The following KLHL29 variants were observed in gnomAD, a reference collection of about 807,000 sequenced individuals.
KLHL29 encodes kelch like family member 29.
In KLHL29, 21 loss-of-function variants were observed where a neutral mutation model predicts 80.4. The ratio of observed to expected loss-of-function variants is 0.26; its 90% CI spans 0.19 to 0.38. KLHL29 has a LOEUF of 0.38. Ranked by LOEUF, KLHL29 falls within the 10% of genes least tolerant of loss-of-function variation. KLHL29 has a pLI of 1.00. For missense variants in KLHL29, 867 were observed against 1,223.9 expected (o/e 0.71, Z 4.35); for synonymous variants, 511 against 526.8 (o/e 0.97, Z 0.41).
At chr2:23,674,176 C>T (rs951930028) in intron 5 of KLHL29, among the ~76,000 whole-genome samples, 3 of 152,192 alleles carry the variant, frequency 2.0e-5, no homozygotes, top group Non-Finnish European at 4.4e-5. Flanking sequence ...GAGTGTGTCT[C>T]CCTTTAAACT....
chr2:23,439,648 T>C (rs1037441886), intron 1 of KLHL29, among the ~76,000 whole-genome samples: 1 of 152,212 alleles, frequency 6.6e-6, no homozygotes, highest in African/African-American at 2.4e-5. Flanking sequence ...TCCTGAGTTC[T>C]AGTTTGATTG....
intron 5 of KLHL29, among the ~76,000 whole-genome samples, chr2:23,676,244 G>A (rs1035614342): frequency 4.6e-5 from 7 of 151,998 alleles, no homozygotes; most frequent in Non-Finnish European, 1.0e-4. Context: ...GTGCAGTGGC[G>A]CGATCTCAGC....
At chr2:23,655,268 C>T (rs1179306667) in intron 5 of KLHL29, among the ~76,000 whole-genome samples, 2 of 152,212 alleles carry the variant, frequency 1.3e-5, no homozygotes, top group South Asian at 2.1e-4. Flanking sequence ...ATCAGAGCAT[C>T]GCCAATGCAA....
chr2:23,550,001 G>T (rs1667080619), intron 2 of KLHL29, among the ~76,000 whole-genome samples: 2 of 152,124 alleles, frequency 1.3e-5, no homozygotes, highest in Non-Finnish European at 2.9e-5. Flanking sequence ...TGGGGTTCTG[G>T]GTCTACCCTG....
At chr2:23,471,943 A>T (rs1056704036) in intron 1 of KLHL29, among the ~76,000 whole-genome samples, 2 of 152,202 alleles carry the variant, frequency 1.3e-5, no homozygotes, top group African/African-American at 2.4e-5. Flanking sequence ...TTTTTAAATC[A>T]CTTTTAAATA....
Position 23,642,705 on chromosome 2 carries a change from G to A in KLHL29, c.795G>A (p.Pro265=), listed in dbSNP as rs530257872. ...GHMAGPLLPP[P]PPAQPSATLP... is the part of the protein sequence containing the mutation. ...TGGCAGGGCCCCTGCTGCCTCCACC[G>A]CCGCCAGCCCAGCCGTCCGCCACTC... Residue 265 remains proline, a synonymous_variant, in exon 5 of 14, where the codon CCG becomes CCA. Coordinates refer to ENST00000486442, the MANE Select transcript of KLHL29 (RefSeq NM_052920.2). 232 of 1,548,158 alleles carry A rather than the reference G, an allele frequency of 1.5e-4. No homozygotes were observed. Among genetic ancestry groups the A allele is most frequent in the African/African-American group, 2.7e-4 (20 of 73,090 alleles).
chr2:23,589,229 T>C (rs1668194887), intron 3 of KLHL29, among the ~76,000 whole-genome samples: 1 of 152,274 alleles, frequency 6.6e-6, no homozygotes. Context: ...GAGAAAGGCC[T>C]GGCCTGCCTA....
At chr2:23,573,530 G>A (rs377251850) in intron 3 of KLHL29, among the ~76,000 whole-genome samples, 12 of 152,200 alleles carry the variant, frequency 7.9e-5, no homozygotes, top group Non-Finnish European at 1.0e-4. Context: ...AGCTGGCTGC[G>A]TACAGGTTCG....
chr2:23,639,165 T>G lies in KLHL29; in HGVS notation c.312T>G (p.Ser104Arg). ...CTCCCGGCATCTCCAAAGGGGACAGTCAGTCCCAGGGACTGGCGACCAGCA... is the reference window on the plus strand; with the variant it reads ...CTCCCGGCATCTCCAAAGGGGACAGGCAGTCCCAGGGACTGGCGACCAGCA... ...TKAPGISKGD[S>R]QSQGLATSIR... Residue 104 changes from serine to arginine, a missense_variant, in exon 4 of 14, where the codon AGT becomes AGG. Ser to Arg is a moderately radical substitution (Grantham distance 110). Coordinates refer to ENST00000486442, the MANE Select transcript of KLHL29 (RefSeq NM_052920.2). 1 of 1,540,876 alleles carries G rather than the reference T, an allele frequency of 6.5e-7. No homozygotes were observed. Among genetic ancestry groups the G allele is most frequent in the Non-Finnish European group, 8.7e-7 (1 of 1,142,926 alleles).
intron 1 of KLHL29, among the ~76,000 whole-genome samples, chr2:23,400,753 T>A (rs1666580900): frequency 6.6e-6 from 1 of 152,124 alleles, no homozygotes; most frequent in Non-Finnish European, 1.5e-5. Context: ...GGCAGAAGGA[T>A]TAACCTCCTG....
In KLHL29 at chr2:23,691,935, C is replaced by A. The variant is rs1047573781; in HGVS notation, c.1282+59C>A. 3.4e-6 allele frequency: 5 copies of A among 1,488,188 alleles called. No individual in the cohort carries two copies. In the African/African-American group the frequency reaches 6.9e-5, roughly 21 times the overall value. 92.2% of individuals were successfully genotyped at this position (1,488,188 alleles called of 1,614,324 possible). A position where few individuals can be genotyped will look rare whatever the true frequency, so the allele number is the denominator to read the frequency against. ...GAAGAGTGCAGATGGGCGGAGAACT[C>A]CATAAACAGCAAGGACTGAGCGGGG... On this transcript the variant is annotated intron_variant, in intron 7 of 13. Transcript: ENST00000486442.
intron 2 of KLHL29, among the ~76,000 whole-genome samples, chr2:23,546,783 C>A (rs1013023966): frequency 6.6e-6 from 1 of 152,200 alleles, no homozygotes; most frequent in African/African-American, 2.4e-5. Flanking sequence ...TTGGGGGACA[C>A]CAAGGCTGTG....
intron 3 of KLHL29, among the ~76,000 whole-genome samples, chr2:23,574,524 AG>A (rs1269631469): frequency 5.9e-5 from 9 of 152,058 alleles, no homozygotes; most frequent in Non-Finnish European, 1.3e-4. Context: ...GGTAGGTTAG[AG>A]GTTACCAGTG....
chr2:23,706,780 A>C lies in KLHL29; in HGVS notation c.*116A>C. The C allele has an allele frequency of 7.7e-6, 5 of 652,566 alleles. No homozygotes were observed. The highest frequency in any genetic ancestry group is 1.2e-5 in the Non-Finnish European group (5 of 402,288). The allele number at this position is 652,566 out of a possible 1,614,324, so 40.4% of individuals were successfully genotyped here. A position where few individuals can be genotyped will look rare whatever the true frequency, so the allele number is the denominator to read the frequency against. ...CCAACAAAACACAATCAAGGAACTC[A>C]CTGCGCTCAACATGTTGAATATTCT... is the stretch of plus-strand genomic sequence containing the variant. On this transcript the variant is annotated 3_prime_UTR_variant, in exon 14 of 14. Transcript: ENST00000486442.
chr2:23,585,038 C>T (rs1331229983), intron 3 of KLHL29, among the ~76,000 whole-genome samples: 1 of 152,166 alleles, frequency 6.6e-6, no homozygotes, highest in East Asian at 1.9e-4. Context: ...CGCCAGCCTA[C>T]TCAGTCTTTA....
chr2:23,393,067 A>G (rs1244490367), intron 1 of KLHL29, among the ~76,000 whole-genome samples: 1 of 152,234 alleles, frequency 6.6e-6, no homozygotes, highest in Non-Finnish European at 1.5e-5. Flanking sequence ...GAATAAAAAC[A>G]ATGTAGAAAG....
chr2:23,505,308 C>T (rs2103457706), intron 2 of KLHL29, among the ~76,000 whole-genome samples: 1 of 152,320 alleles, frequency 6.6e-6, no homozygotes, highest in East Asian at 1.9e-4. Flanking sequence ...CTAGCAGCTG[C>T]CTCCCCGACC....
chr2:23,634,894 T>A (rs1669568579), intron 3 of KLHL29, among the ~76,000 whole-genome samples: 2 of 152,236 alleles, frequency 1.3e-5, no homozygotes, highest in African/African-American at 4.8e-5. Context: ...CCAGCAGTGA[T>A]ATATGCTTCT....
intron 5 of KLHL29, among the ~76,000 whole-genome samples, chr2:23,646,046 GA>G (rs1669920706): frequency 7.2e-6 from 1 of 139,786 alleles, no homozygotes; most frequent in Non-Finnish European, 1.7e-5. Context: ...CAAGCTGTAG[GA>G]TTTTTTTTTT....
Sources: allele counts gnomAD v4.1 joint callset (sites outside exome capture counted in the v4.1 genomes callset), GRCh38; gene constraint gnomAD v4.1.1; transcripts MANE v1.5; gene names NCBI Gene and HGNC (gene_info 2026-07-23, HGNC 2026-07-21).